Variants in FHIT observed in about 807,000 individuals in gnomAD.
The protein encoded by FHIT is fragile histidine triad diadenosine triphosphatase.
A neutral mutation model predicts 17.9 loss-of-function variants in FHIT; 19 were observed. That is an observed-to-expected ratio of 1.06 (90% confidence interval 0.74 to 1.56). FHIT has a LOEUF of 1.56. FHIT is among the 40% of genes most tolerant of loss of function. The pLI is 0.00. For synonymous variants in FHIT, 81 were observed against 69.7 expected, an observed-to-expected ratio of 1.16 and a Z score of -0.81; for missense variants, 248 against 189.2, an observed-to-expected ratio of 1.31 and a Z score of -1.82.
chr3:60,917,970 C>T (rs1007028495), intron 3 of FHIT, among the ~76,000 whole-genome samples: 1 of 152,204 alleles, frequency 6.6e-6, no homozygotes, highest in Admixed American at 6.5e-5. Context: ...CCACCTAAAT[C>T]TCATCTTGAA....
intron 5 of FHIT, among the ~76,000 whole-genome samples, chr3:60,380,386 T>A (rs1354209211): frequency 6.6e-6 from 1 of 152,236 alleles, no homozygotes; most frequent in Non-Finnish European, 1.5e-5. Flanking sequence ...GAACAGATGT[T>A]GGTGCCATGC....
intron 3 of FHIT, among the ~76,000 whole-genome samples, chr3:60,828,406 A>T (rs781819469): frequency 5.9e-5 from 9 of 152,100 alleles, no homozygotes; most frequent in Non-Finnish European, 1.3e-4. Flanking sequence ...TTGTTTAGTA[A>T]TTAATTACTT....
chr3:61,088,028 A>G (rs1377238405), intron 2 of FHIT, among the ~76,000 whole-genome samples: 2 of 152,152 alleles, frequency 1.3e-5, no homozygotes, highest in Non-Finnish European at 2.9e-5. Context: ...CTAAAATACC[A>G]TTAATAACTA....
intron 3 of FHIT, among the ~76,000 whole-genome samples, chr3:60,902,333 G>A (rs1706160366): frequency 6.6e-6 from 1 of 152,134 alleles, no homozygotes; most frequent in African/African-American, 2.4e-5. Context: ...AGTAATTTAT[G>A]CCTTTTTATT....
chr3:60,773,096 T>C (rs1490634278), intron 4 of FHIT, among the ~76,000 whole-genome samples: 2 of 152,142 alleles, frequency 1.3e-5, no homozygotes, highest in East Asian at 3.9e-4. Flanking sequence ...TTACTGCAAT[T>C]CCATGGTCTC....
chr3:59,846,863 G>T (rs1701739817), intron 8 of FHIT, among the ~76,000 whole-genome samples: 1 of 151,956 alleles, frequency 6.6e-6, no homozygotes, highest in South Asian at 2.1e-4. Flanking sequence ...CGTGATTATT[G>T]GCTGACAGTT....
intron 5 of FHIT, among the ~76,000 whole-genome samples, chr3:60,051,588 A>C (rs548878746): frequency 6.6e-6 from 1 of 152,246 alleles, no homozygotes; most frequent in East Asian, 1.9e-4. Context: ...ATTCTACCTG[A>C]ACCCCTCACC....
At chr3:61,211,457 C>T (rs1164229569) in intron 1 of FHIT, among the ~76,000 whole-genome samples, 7 of 152,186 alleles carry the variant, frequency 4.6e-5, no homozygotes, top group Non-Finnish European at 1.0e-4. Context: ...GGGGGAGGGG[C>T]GCCCGCCATT....
At chr3:59,822,675 A>C (rs1700839049) in intron 8 of FHIT, among the ~76,000 whole-genome samples, 1 of 151,894 alleles carries the variant, frequency 6.6e-6, no homozygotes, top group African/African-American at 2.4e-5. Flanking sequence ...AATTTATTTG[A>C]GTTCCTTATA....
intron 5 of FHIT, among the ~76,000 whole-genome samples, chr3:60,093,204 G>A (rs537235849): frequency 1.3e-5 from 2 of 152,266 alleles, no homozygotes; most frequent in Admixed American, 6.5e-5. Context: ...GCCTGACGCA[G>A]GTCTAAAATC....
chr3:60,494,185 TG>T (rs2034191920), intron 5 of FHIT, among the ~76,000 whole-genome samples: 1 of 152,226 alleles, frequency 6.6e-6, no homozygotes, highest in African/African-American at 2.4e-5. Context: ...AAGAAAACTC[TG>T]TGGCCATTAC....
At chr3:60,996,260 A>C (rs1342288445) in intron 3 of FHIT, among the ~76,000 whole-genome samples, 1 of 152,214 alleles carries the variant, frequency 6.6e-6, no homozygotes, top group Non-Finnish European at 1.5e-5. Flanking sequence ...TGCTTTCAAC[A>C]GGTTATCCAA....
intron 4 of FHIT, among the ~76,000 whole-genome samples, chr3:60,547,365 G>C (rs529518286): frequency 1.3e-5 from 2 of 152,178 alleles, no homozygotes; most frequent in African/African-American, 4.8e-5. Context: ...CATTAGCCAA[G>C]AAGGAAATAC....
intron 8 of FHIT, among the ~76,000 whole-genome samples, chr3:59,885,977 G>A (rs1413509700): frequency 2.0e-5 from 3 of 152,200 alleles, no homozygotes; most frequent in African/African-American, 4.8e-5. Flanking sequence ...CCCTTGCAAG[G>A]ATAGGAGGGT....
At chr3:60,831,905 T>C (rs1470098570) in intron 3 of FHIT, among the ~76,000 whole-genome samples, 1 of 152,128 alleles carries the variant, frequency 6.6e-6, no homozygotes, top group African/African-American at 2.4e-5. Flanking sequence ...CTAAGATTTA[T>C]GAGACATGAT....
intron 4 of FHIT, among the ~76,000 whole-genome samples, chr3:60,691,354 C>T (rs112447367): frequency 1.1e-4 from 17 of 151,380 alleles, no homozygotes; most frequent in African/African-American, 4.1e-4. Context: ...TTTTTTTCCC[C>T]TCTTGATTTT....
At chr3:60,168,354 T>A (rs1701268900) in intron 5 of FHIT, among the ~76,000 whole-genome samples, 1 of 152,166 alleles carries the variant, frequency 6.6e-6, no homozygotes. Flanking sequence ...ATTAACAGCG[T>A]CCATGAGCCC....
chr3:61,027,608 A>C lies in FHIT; in HGVS notation c.-111+14439T>G, dbSNP rs181527430. Among the ~76,000 whole-genome samples the C allele has an allele frequency of 2.7e-4, 41 of 152,322 alleles. 2 individuals carry two copies. In the East Asian group the frequency reaches 3.5e-3, roughly 13 times the overall value. On this transcript the variant is annotated intron_variant, in intron 3 of 9. Coordinates refer to ENST00000492590, the MANE Select transcript of FHIT (RefSeq NM_002012.4). ...GATGGAGAATATGCAGATTAACTTA[A>C]AGTGTGCCATATCTGTGGCTGTTAT...
At chr3:60,115,864 A>G (rs1704934046) in intron 5 of FHIT, among the ~76,000 whole-genome samples, 1 of 141,022 alleles carries the variant, frequency 7.1e-6, no homozygotes, top group Non-Finnish European at 1.6e-5. Context: ...ATAAATCTAC[A>G]AAGACCTATC....
Sources: gnomAD v4.1 joint callset for allele counts (sites outside exome capture counted in the v4.1 genomes callset) on GRCh38, gnomAD v4.1.1 for gene constraint, MANE v1.5 for transcripts, NCBI Gene and HGNC (gene_info 2026-07-23, HGNC 2026-07-21) for gene names.